Variants in UNC79 observed in about 807,000 individuals in gnomAD.
The protein encoded by UNC79 is protein unc-79 homolog.
UNC79 carries 37 observed loss-of-function variants against 283.1 expected under a neutral mutation model. That is an observed-to-expected ratio of 0.13 (90% CI 0.10 to 0.17). The LOEUF (loss-of-function observed/expected upper bound fraction) is 0.17, where lower values mean the gene tolerates loss of function less well. Among genes scored for constraint, UNC79 ranks in the 10% least tolerant of loss-of-function variants. The probability of loss-of-function intolerance (pLI) is 1.00; values close to 1 mark genes in which losing one functional copy is unlikely to be tolerated. For synonymous variants in UNC79, 1,107 were observed against 1,200.2 expected, an observed-to-expected ratio of 0.92 and a Z score of 1.61; for missense variants, 2,272 against 3,211.1, an observed-to-expected ratio of 0.71 and a Z score of 7.07.
chr14:93,348,339 C>G (rs1359478809), intron 1 of UNC79: 1 of 483,738 alleles, frequency 2.1e-6, no homozygotes, highest in Non-Finnish European at 3.7e-6. Flanking sequence ...AACGGAAACA[C>G]TTATTCGTGC....
intron 1 of UNC79, among the ~76,000 whole-genome samples, chr14:93,357,676 CATATATATATATATATAT>C (rs60284787): frequency 2.3e-3 from 73 of 32,362 alleles, no homozygotes; most frequent in African/African-American, 5.3e-3. Flanking sequence ...AATAAACTCC[CATATATATATATATATAT>C]ATATATATAT....
At chr14:93,580,175 G>A (rs368534613) in exon 19 of UNC79, 140 of 1,613,460 alleles carry the variant, frequency 8.7e-5, no homozygotes, top group Non-Finnish European at 1.1e-4. Flanking sequence ...ATGGAATCAC[G>A]ATGGGTTTAG....
At chr14:93,482,779 C>G (rs2058207508) in intron 4 of UNC79, among the ~76,000 whole-genome samples, 1 of 152,156 alleles carries the variant, frequency 6.6e-6, no homozygotes, top group Non-Finnish European at 1.5e-5. Flanking sequence ...CCCTGCTTCC[C>G]TTTTTAGCCC....
rs1004333014 is a variant in UNC79, at chr14:93,499,176, A to G, written c.898+1890A>G. Among the ~76,000 whole-genome samples, 41 of 152,348 alleles carry G rather than the reference A, an allele frequency of 2.7e-4. 1 individual carries two copies. The highest frequency in any genetic ancestry group is 9.9e-4 in the African/African-American group (41 of 41,590). On this transcript the variant is annotated intron_variant, in intron 7 of 48. Transcript: ENST00000555664. ...ACAATAATAAAAACAATGAAAGTAG[A>G]TAGTAAGTAAATTTTTTAAAATGGG...
chr14:93,459,192 A>G (rs913580091), intron 1 of UNC79, among the ~76,000 whole-genome samples: 3 of 152,198 alleles, frequency 2.0e-5, no homozygotes, highest in African/African-American at 7.2e-5. Flanking sequence ...GGGTTTCACC[A>G]TGTTGGCCAG....
At chr14:93,497,062 C>T in intron 6 of UNC79, 95 bp from the exon 7 acceptor site, 1 of 1,412,140 alleles carries the variant, frequency 7.1e-7, no homozygotes, top group South Asian at 1.4e-5. Flanking sequence ...CTCAATCCCT[C>T]CATTAGAATT....
At chr14:93,437,135 A>C (rs1171576331) in intron 1 of UNC79, among the ~76,000 whole-genome samples, 1 of 152,178 alleles carries the variant, frequency 6.6e-6, no homozygotes, top group Non-Finnish European at 1.5e-5. Flanking sequence ...TTTTATTTTA[A>C]GAATAAATCA....
chr14:93,501,342 TAAAAA>T (rs540076096), intron 7 of UNC79, among the ~76,000 whole-genome samples: 2,034 of 150,296 alleles, frequency 0.014, 41 homozygotes, highest in Non-Finnish European at 0.02. Context: ...AAAAATAAAT[TAAAAA>T]AAAAAGCAAA....
intron 29 of UNC79, 149 bp downstream of exon 30, chr14:93,618,503 G>A: frequency 1.1e-6 from 1 of 925,438 alleles, no homozygotes; most frequent in Non-Finnish European, 1.5e-6. Context: ...TTCCATGAAT[G>A]TTGCTGCTTT....
chr14:93,500,137 C>G (rs1418608480), intron 7 of UNC79, among the ~76,000 whole-genome samples: 1 of 152,114 alleles, frequency 6.6e-6, no homozygotes, highest in Admixed American at 6.5e-5. Flanking sequence ...TCTCAAAAAC[C>G]CAGCAAACTG....
intron 1 of UNC79, chr14:93,397,122 A>AT (rs199629118): frequency 9.2e-4 from 89 of 97,266 alleles, no homozygotes; most frequent in Admixed American, 6.1e-3. Context: ...TTATTTGTTT[A>AT]TTTTTTATTT....
chr14:93,372,646 A>G (rs922922421), intron 1 of UNC79, among the ~76,000 whole-genome samples: 1 of 152,356 alleles, frequency 6.6e-6, no homozygotes, highest in Middle Eastern at 3.4e-3. Flanking sequence ...AGCACCTAAC[A>G]ACAAAGGATC....
chr14:93,397,388 A>G (rs143818121), intron 1 of UNC79, among the ~76,000 whole-genome samples: 377 of 152,340 alleles, frequency 2.5e-3, no homozygotes, highest in Non-Finnish European at 4.6e-3. Flanking sequence ...ACTACCAGAC[A>G]GATTGAATAA....
chr14:93,503,666 T>C (rs757557199), intron 7 of UNC79, among the ~76,000 whole-genome samples: 1 of 152,054 alleles, frequency 6.6e-6, no homozygotes, highest in Non-Finnish European at 1.5e-5. Flanking sequence ...AAGCTGAACA[T>C]TTCTTCCTAT....
intron 1 of UNC79, among the ~76,000 whole-genome samples, chr14:93,356,880 G>C (rs1279779457): frequency 6.6e-6 from 1 of 152,086 alleles, no homozygotes; most frequent in African/African-American, 2.4e-5. Flanking sequence ...TTTTAGGTTT[G>C]GGGGTACATG....
chr14:93,342,278 A>T (rs1566879484), intron 1 of UNC79, among the ~76,000 whole-genome samples: 1 of 152,200 alleles, frequency 6.6e-6, no homozygotes, highest in East Asian at 1.9e-4. Context: ...GACCAATACC[A>T]CATGGAAGCT....
chr14:93,451,773 T>C (rs914816161), intron 1 of UNC79, among the ~76,000 whole-genome samples: 7 of 152,204 alleles, frequency 4.6e-5, no homozygotes, highest in Non-Finnish European at 8.8e-5. Context: ...TTGAGAAGCC[T>C]GAAATGCACA....
At chr14:93,515,795 A>G (rs1024464875) in intron 7 of UNC79, among the ~76,000 whole-genome samples, 2 of 152,152 alleles carry the variant, frequency 1.3e-5, no homozygotes, top group Admixed American at 1.3e-4. Context: ...TTGTCAACAT[A>G]ATGTGAATAT....
At chr14:93,461,580 A>G (rs528661823) in intron 1 of UNC79, among the ~76,000 whole-genome samples, 4 of 152,346 alleles carry the variant, frequency 2.6e-5, no homozygotes, top group Non-Finnish European at 5.9e-5. Context: ...ACTGCTGTAA[A>G]AAGCCATTCT....
Sources: gnomAD v4.1 joint callset for allele counts (sites outside exome capture counted in the v4.1 genomes callset) on GRCh38, gnomAD v4.1.1 for gene constraint, MANE v1.5 for transcripts, NCBI Gene and HGNC (gene_info 2026-07-23, HGNC 2026-07-21) for gene names.